Variants in MGAT4C observed in about 807,000 individuals in gnomAD.
MGAT4C encodes MGAT4 family member C, also known as alpha-1,3-mannosyl-glycoprotein 4-beta-N-acetylglucosaminyltransferase C.
In MGAT4C, 19 loss-of-function variants were observed where a neutral mutation model predicts 40.1. The observed-to-expected ratio is 0.47, with a 90% confidence interval of 0.33 to 0.70. MGAT4C has a LOEUF of 0.70. Among genes scored for constraint, MGAT4C ranks in the 30% least tolerant of loss-of-function variants. The pLI is 0.02. For synonymous variants in MGAT4C, 181 were observed against 187.1 expected (o/e 0.97, Z 0.27); for missense variants, 491 against 563.2 (o/e 0.87, Z 1.30).
At chr12:86,833,975 G>C (rs962651131) in intron 1 of MGAT4C, among the ~76,000 whole-genome samples, 1 of 151,558 alleles carries the variant, frequency 6.6e-6, no homozygotes, top group African/African-American at 2.4e-5. Flanking sequence ...TGTCCTCCAG[G>C]TTCACCCATA....
chr12:86,536,810 C>T (rs1045940269), intron 2 of MGAT4C, among the ~76,000 whole-genome samples: 27 of 152,250 alleles, frequency 1.8e-4, no homozygotes, highest in Admixed American at 1.4e-3. Flanking sequence ...GTCAGTGTGG[C>T]GATTCCTCAG....
At chr12:86,354,950 G>T (rs1192398988) in intron 3 of MGAT4C, among the ~76,000 whole-genome samples, 1 of 152,158 alleles carries the variant, frequency 6.6e-6, no homozygotes, top group African/African-American at 2.4e-5. Context: ...AGAACCCAAG[G>T]GGGGTGCCAC....
At chr12:86,761,966 G>T (rs1951414824) in intron 1 of MGAT4C, among the ~76,000 whole-genome samples, 1 of 151,972 alleles carries the variant, frequency 6.6e-6, no homozygotes, top group Non-Finnish European at 1.5e-5. Context: ...TTTGTCAGGG[G>T]GGCATTATTT....
chr12:86,229,823 C>T (rs776001780), intron 1 of MGAT4C, among the ~76,000 whole-genome samples: 6 of 151,904 alleles, frequency 3.9e-5, no homozygotes, highest in Non-Finnish European at 8.8e-5. Context: ...CTTATATAAG[C>T]TTATATATAA....
intron 1 of MGAT4C, among the ~76,000 whole-genome samples, chr12:86,153,716 C>G (rs1884580780): frequency 6.6e-6 from 1 of 152,198 alleles, no homozygotes; most frequent in Non-Finnish European, 1.5e-5. Flanking sequence ...TCTCACTTCT[C>G]TTTCCTGCTG....
chr12:86,038,969 T>C (rs1891525202), intron 2 of MGAT4C, among the ~76,000 whole-genome samples: 2 of 148,740 alleles, frequency 1.3e-5, no homozygotes, highest in South Asian at 2.1e-4. Flanking sequence ...TGCAAAAGGT[T>C]TTTTTTCTCC....
intron 1 of MGAT4C, among the ~76,000 whole-genome samples, chr12:86,216,347 C>T (rs1337635372): frequency 6.6e-6 from 1 of 151,926 alleles, no homozygotes; most frequent in Non-Finnish European, 1.5e-5. Flanking sequence ...AAAAGATTAC[C>T]ACATCAAAAG....
chr12:86,271,151 A>G (rs1298739736), intron 4 of MGAT4C, among the ~76,000 whole-genome samples: 1 of 152,206 alleles, frequency 6.6e-6, no homozygotes, highest in African/African-American at 2.4e-5. Context: ...AACAAAAACA[A>G]AAACAGACAA....
chr12:86,785,608 TAAC>T (rs1438471228), intron 1 of MGAT4C, among the ~76,000 whole-genome samples: 5 of 151,804 alleles, frequency 3.3e-5, no homozygotes, highest in Non-Finnish European at 5.9e-5. Flanking sequence ...CAATAAAAAA[TAAC>T]AATAGTCAAT....
chr12:86,781,903 A>G (rs1463518722), intron 1 of MGAT4C, among the ~76,000 whole-genome samples: 6 of 144,824 alleles, frequency 4.1e-5, no homozygotes, highest in Non-Finnish European at 7.6e-5. Context: ...TTATACAAAA[A>G]TTAAAAACAG....
At chr12:86,068,037 C>G (rs1474928244) in intron 1 of MGAT4C, 1 of 152,186 alleles carries the variant, frequency 6.6e-6, no homozygotes, top group African/African-American at 2.4e-5. Context: ...AAATGCTGCA[C>G]AGATACCTCT....
At chr12:86,517,949 A>G (rs1958725425) in intron 2 of MGAT4C, among the ~76,000 whole-genome samples, 1 of 152,028 alleles carries the variant, frequency 6.6e-6, no homozygotes, top group Non-Finnish European at 1.5e-5. Context: ...TGCCCGGCCG[A>G]CTTTGTGTTT....
intron 2 of MGAT4C, among the ~76,000 whole-genome samples, chr12:86,655,794 T>C (rs1261941655): frequency 1.3e-5 from 2 of 152,128 alleles, no homozygotes; most frequent in African/African-American, 4.8e-5. Context: ...CTGTCACTTA[T>C]CATTACACAG....
intron 1 of MGAT4C, among the ~76,000 whole-genome samples, chr12:86,803,979 C>T (rs1177144498): frequency 2.6e-4 from 34 of 128,562 alleles, no homozygotes; most frequent in East Asian, 2.6e-3. Flanking sequence ...ATGTTTATTG[C>T]GGCATTATTC....
At chr12:86,545,161 C>T (rs1959186859) in intron 2 of MGAT4C, among the ~76,000 whole-genome samples, 1 of 151,936 alleles carries the variant, frequency 6.6e-6, no homozygotes, top group South Asian at 2.1e-4. Context: ...CACCCTCTGG[C>T]ATATTAAAAT....
At chr12:86,730,637 A>C (rs532697674) in intron 1 of MGAT4C, among the ~76,000 whole-genome samples, 117 of 152,244 alleles carry the variant, frequency 7.7e-4, no homozygotes, top group Admixed American at 1.4e-3. Context: ...AAGAGCCAGA[A>C]AAAGAGTCAA....
chr12:86,168,702 G>T (rs1886456093), intron 1 of MGAT4C, among the ~76,000 whole-genome samples: 1 of 152,094 alleles, frequency 6.6e-6, no homozygotes, highest in Admixed American at 6.6e-5. Context: ...TAATTTTGTT[G>T]TACTGTGATT....
intron 1 of MGAT4C, among the ~76,000 whole-genome samples, chr12:86,234,107 T>C (rs1951436575): frequency 1.3e-5 from 2 of 152,168 alleles, no homozygotes; most frequent in East Asian, 3.8e-4. Flanking sequence ...GGATGAACAT[T>C]TCTTATTTAG....
intron 2 of MGAT4C, among the ~76,000 whole-genome samples, chr12:86,542,684 G>T (rs1959174375): frequency 6.6e-6 from 1 of 152,100 alleles, no homozygotes; most frequent in African/African-American, 2.4e-5. Context: ...TAATAAATAT[G>T]CTAAATAAGC....
Sources: allele counts gnomAD v4.1 joint callset (sites outside exome capture counted in the v4.1 genomes callset), GRCh38; gene constraint gnomAD v4.1.1; transcripts MANE v1.5; gene names NCBI Gene and HGNC (gene_info 2026-07-23, HGNC 2026-07-21).